AGMO: variants seen among roughly 807,000 people sequenced by gnomAD.
AGMO encodes the protein alkylglycerol monooxygenase.
Under a neutral mutation model 60.2 loss-of-function variants are expected in AGMO, and 75 were observed. The observed-to-expected ratio is 1.25, with a 90% CI of 1.03 to 1.51. The LOEUF (loss-of-function observed/expected upper bound fraction) is 1.51, where lower values mean the gene tolerates loss of function less well. Among genes scored for constraint, AGMO ranks in the 40% most tolerant of loss-of-function variants. The probability of loss-of-function intolerance (pLI) is 0.00; values close to 1 mark genes in which losing one functional copy is unlikely to be tolerated. For synonymous variants in AGMO, 261 were observed against 177.1 expected, an observed-to-expected ratio of 1.47 and a Z score of -3.76; for missense variants, 763 against 525.5, an observed-to-expected ratio of 1.45 and a Z score of -4.42.
chr7:15,375,674 G>A (rs1439337640), intron 10 of AGMO, among the ~76,000 whole-genome samples: 5 of 152,076 alleles, frequency 3.3e-5, no homozygotes, highest in Admixed American at 2.0e-4. Context: ...TGGATTACAG[G>A]CGTAAGCCAC....
At chr7:15,481,029 T>C (rs1011007250) in intron 3 of AGMO, among the ~76,000 whole-genome samples, 74 of 152,216 alleles carry the variant, frequency 4.9e-4, no homozygotes, top group African/African-American at 1.6e-3. Flanking sequence ...TATATACATA[T>C]ACATTAACAT....
At chr7:15,161,502 A>G in the AGMO span, among the ~76,000 whole-genome samples, 445 of 140,476 alleles carry the variant, frequency 3.2e-3, 2 homozygotes, top group African/African-American at 8.9e-3. Flanking sequence ...ATACACACAT[A>G]TGTCATATAT....
intron 12 of AGMO, among the ~76,000 whole-genome samples, chr7:15,310,295 C>T (rs1424422959): frequency 1.3e-5 from 2 of 152,054 alleles, no homozygotes; most frequent in Non-Finnish European, 2.9e-5. Flanking sequence ...CTAAAAATAT[C>T]AAGATAACAT....
chr7:15,266,530 T>G (rs1783437712), intron 12 of AGMO, among the ~76,000 whole-genome samples: 1 of 151,996 alleles, frequency 6.6e-6, no homozygotes, highest in Non-Finnish European at 1.5e-5. Context: ...TCTACCCATA[T>G]GTCTTATTGC....
intron 3 of AGMO, among the ~76,000 whole-genome samples, chr7:15,512,045 A>G (rs545717195): frequency 6.6e-6 from 1 of 152,172 alleles, no homozygotes; most frequent in South Asian, 2.1e-4. Context: ...AGAAAAGAAA[A>G]TGAACATACA....
At chr7:15,556,060 A>G (rs561006985) in intron 2 of AGMO, among the ~76,000 whole-genome samples, 2 of 152,020 alleles carry the variant, frequency 1.3e-5, no homozygotes, top group East Asian at 1.9e-4. Flanking sequence ...ACCCAAAATT[A>G]TATACATTCA....
intron 3 of AGMO, among the ~76,000 whole-genome samples, chr7:15,436,969 T>A (rs1002629533): frequency 6.6e-6 from 1 of 152,168 alleles, no homozygotes; most frequent in Non-Finnish European, 1.5e-5. Context: ...TTGAAAACAA[T>A]CATCCCTTTG....
At chr7:15,270,459 G>A (rs1010671366) in intron 12 of AGMO, among the ~76,000 whole-genome samples, 1 of 151,710 alleles carries the variant, frequency 6.6e-6, no homozygotes, top group African/African-American at 2.4e-5. Context: ...TGCCCAGTTT[G>A]AAACGAGGTT....
At chr7:15,272,128 C>T (rs1412857420) in intron 12 of AGMO, among the ~76,000 whole-genome samples, 2 of 150,840 alleles carry the variant, frequency 1.3e-5, no homozygotes, top group African/African-American at 2.5e-5. Context: ...GGATATTGGC[C>T]CTTTTTTTCT....
chr7:15,407,002 AAT>A (rs1784719216), intron 5 of AGMO, among the ~76,000 whole-genome samples: 1 of 144,074 alleles, frequency 6.9e-6, no homozygotes, highest in African/African-American at 2.5e-5. Flanking sequence ...ATATATATGG[AAT>A]ATACATATAT....
At chr7:15,164,254 G>T in the AGMO span, among the ~76,000 whole-genome samples, 1 of 151,878 alleles carries the variant, frequency 6.6e-6, no homozygotes, top group African/African-American at 2.4e-5. Context: ...CAGATGGGGT[G>T]GAGACTTAAA....
At chr7:15,145,554 G>C in the AGMO span, among the ~76,000 whole-genome samples, 3 of 152,042 alleles carry the variant, frequency 2.0e-5, no homozygotes, top group Non-Finnish European at 2.9e-5. Flanking sequence ...CAAGATGGCA[G>C]TATTATCGGT....
intron 5 of AGMO, among the ~76,000 whole-genome samples, chr7:15,406,763 CAT>C (rs749616599): frequency 2.3e-5 from 2 of 85,870 alleles, no homozygotes; most frequent in East Asian, 6.4e-4. Flanking sequence ...ATATGTATTC[CAT>C]ATGTGTATAT....
chr7:15,553,650 T>C (rs1785042527), intron 2 of AGMO, among the ~76,000 whole-genome samples: 1 of 152,102 alleles, frequency 6.6e-6, no homozygotes, highest in Non-Finnish European at 1.5e-5. Context: ...GAAATAGGCA[T>C]TAAGATACCA....
intron 12 of AGMO, among the ~76,000 whole-genome samples, chr7:15,255,139 A>G (rs916206845): frequency 6.6e-5 from 10 of 152,276 alleles, no homozygotes; most frequent in African/African-American, 2.4e-4. Flanking sequence ...GTTCCCACTC[A>G]TAAGTGGAAG....
Position 15,381,608 on chromosome 7 carries a change from C to T in AGMO, c.1074+3838G>A, listed in dbSNP as rs1338455155. Among the ~76,000 whole-genome samples the T allele has an allele frequency of 2.6e-5, 4 of 152,110 alleles. No homozygotes were observed. In the East Asian group the frequency reaches 7.7e-4, roughly 29 times the overall value. On this transcript the variant is annotated intron_variant, in intron 10 of 12. Coordinates refer to ENST00000342526, the MANE Select transcript of AGMO (RefSeq NM_001004320.2). ...AAATTAGTTCAATCGTTGTGGAAGA[C>T]AGTGTGGAATTCCTCAAAGACAAAG... is the stretch of plus-strand genomic sequence containing the variant.
chr7:15,512,886 C>A (rs1030635198), intron 3 of AGMO, among the ~76,000 whole-genome samples: 2 of 151,988 alleles, frequency 1.3e-5, no homozygotes, highest in African/African-American at 4.8e-5. Context: ...TTTCAATCTA[C>A]TATTGAGTAA....
intron 3 of AGMO, among the ~76,000 whole-genome samples, chr7:15,495,364 T>G (rs1038769923): frequency 2.0e-5 from 3 of 152,150 alleles, no homozygotes; most frequent in Admixed American, 1.3e-4. Flanking sequence ...CTCCACTGTG[T>G]TTCAGAGATA....
chr7:15,355,445 G>GGCCCAGGCCCA (rs1213140926), intron 12 of AGMO, among the ~76,000 whole-genome samples: 89 of 141,456 alleles, frequency 6.3e-4, no homozygotes, highest in Non-Finnish European at 1.3e-4. Context: ...GGAGCTTGCA[G>GGCCCAGGCCCA]TGAGCCCAGA....
Sources: gnomAD v4.1 joint callset for allele counts (sites outside exome capture counted in the v4.1 genomes callset) on GRCh38, gnomAD v4.1.1 for gene constraint, MANE v1.5 for transcripts, NCBI Gene and HGNC (gene_info 2026-07-23, HGNC 2026-07-21) for gene names.